The following C9orf85 variants were observed in gnomAD, a reference collection of about 807,000 sequenced individuals.
C9orf85 encodes the protein chromosome 9 open reading frame 85.
In C9orf85, 16 loss-of-function variants were observed where a neutral mutation model predicts 14.9. The observed-to-expected ratio is 1.08, with a 90% CI of 0.73 to 1.63. The LOEUF is 1.63. Ranked by LOEUF, C9orf85 falls within the 40% of genes most tolerant of loss-of-function variation. C9orf85 has a pLI of 0.00. For synonymous variants in C9orf85, 45 were observed against 56.8 expected (o/e 0.79, Z 0.93); for missense variants, 172 against 186.1 (o/e 0.92, Z 0.44).
chr9:71,939,847 T>C lies in C9orf85; in HGVS notation c.103-7159T>C, dbSNP rs1211092020. Among the ~76,000 whole-genome samples the C allele has an allele frequency of 2.6e-5, 4 of 152,190 alleles. No homozygotes were observed. In the East Asian group the frequency reaches 5.8e-4, roughly 22 times the overall value. Reference sequence around the variant, plus strand: ...TGAGAAAGGTACAAAGGCATTTCAATGGTGCTGGAACAATTGTACATCTGT... The same window carrying C: ...TGAGAAAGGTACAAAGGCATTTCAACGGTGCTGGAACAATTGTACATCTGT... On this transcript the variant is annotated intron_variant, in intron 1 of 3. Transcript: ENST00000334731.
At chr9:71,972,634 A>G in intron 3 of C9orf85, 58 bp from the exon 4 acceptor site, 2 of 1,312,356 alleles carry the variant, frequency 1.5e-6, no homozygotes. Flanking sequence ...TTTTCAATCT[A>G]CATGGTTAAA....
intron 2 of C9orf85, among the ~76,000 whole-genome samples, chr9:71,948,818 C>A (rs1016733494): frequency 5.4e-5 from 8 of 147,850 alleles, no homozygotes; most frequent in East Asian, 2.0e-4. Context: ...GCCACGCCCC[C>A]CCCCCCCCCT....
chr9:71,953,902 T>C (rs992032092), intron 2 of C9orf85, among the ~76,000 whole-genome samples: 2 of 151,992 alleles, frequency 1.3e-5, no homozygotes, highest in Non-Finnish European at 2.9e-5. Context: ...AGTTTGAGAC[T>C]AGCCTGGGCA....
At chr9:71,983,617 A>G (rs767954996), downstream of C9orf85, 1 of 152,246 alleles carries the variant, frequency 6.6e-6, no homozygotes, top group Non-Finnish European at 1.5e-5. Context: ...CACATACTGC[A>G]TCATTTACAA....
chr9:71,957,703 G>T (rs1478768631), intron 2 of C9orf85, among the ~76,000 whole-genome samples: 1 of 152,152 alleles, frequency 6.6e-6, no homozygotes, highest in Non-Finnish European at 1.5e-5. Flanking sequence ...TACTTCAACA[G>T]TAGTCCAGGT....
chr9:71,925,577 C>T (rs528729200), intron 1 of C9orf85, among the ~76,000 whole-genome samples: 4 of 152,240 alleles, frequency 2.6e-5, no homozygotes, highest in South Asian at 2.1e-4. Context: ...CTGGAGGAGA[C>T]GGTGGACTCC....
intron 1 of C9orf85, among the ~76,000 whole-genome samples, chr9:71,918,138 G>C (rs541962958): frequency 6.6e-6 from 1 of 152,078 alleles, no homozygotes. Flanking sequence ...AGCTGAGATC[G>C]TGCCACTGCA....
At chr9:71,975,768 G>T (rs1050991610), downstream of C9orf85, among the ~76,000 whole-genome samples, 4 of 152,206 alleles carry the variant, frequency 2.6e-5, no homozygotes, top group Non-Finnish European at 5.9e-5. Context: ...AGAGGCAGAG[G>T]TTGTGGTGAG....
chr9:71,949,019 G>T (rs540683544), intron 2 of C9orf85, among the ~76,000 whole-genome samples: 7 of 152,224 alleles, frequency 4.6e-5, no homozygotes, highest in Admixed American at 4.6e-4. Context: ...TTCTCTGCTA[G>T]AGTAATTAGA....
At chr9:71,956,323 C>A (rs568346835) in intron 2 of C9orf85, among the ~76,000 whole-genome samples, 2 of 146,188 alleles carry the variant, frequency 1.4e-5, no homozygotes, top group African/African-American at 2.5e-5. Context: ...GATCTTGGCT[C>A]GCCACAACCT....
chr9:71,955,624 T>C (rs776719201), intron 2 of C9orf85, among the ~76,000 whole-genome samples: 14 of 152,192 alleles, frequency 9.2e-5, no homozygotes, highest in Non-Finnish European at 1.5e-4. Flanking sequence ...AATAGTAGGT[T>C]ACAGTCAGTT....
chr9:71,938,877 G>T (rs1436356815), intron 1 of C9orf85, among the ~76,000 whole-genome samples: 1 of 151,502 alleles, frequency 6.6e-6, no homozygotes, highest in Non-Finnish European at 1.5e-5. Context: ...TTAACTAAAT[G>T]ATGGTATTAC....
Position 71,957,065 on chromosome 9 carries a change from T to C in C9orf85, c.209+9953T>C, listed in dbSNP as rs981773063. ...TCGAACTCCTGACCTCTGCCAGCCT[T>C]GGCCTCCCAAAGTGCTGGGATTACA... On this transcript the variant is annotated intron_variant, in intron 2 of 3. Transcript: ENST00000334731. 2.6e-5 allele frequency among the ~76,000 whole-genome samples: 4 copies of C among 152,058 alleles called. No individual in the cohort carries two copies. In the East Asian group the frequency reaches 7.7e-4, roughly 29 times the overall value.
At chr9:71,966,829 T>C (rs929916329) in intron 2 of C9orf85, among the ~76,000 whole-genome samples, 3 of 152,218 alleles carry the variant, frequency 2.0e-5, no homozygotes. Context: ...CTGGTAAATG[T>C]TTCTGTCAGA....
chr9:71,940,358 C>T (rs190051359), intron 1 of C9orf85, among the ~76,000 whole-genome samples: 29 of 152,142 alleles, frequency 1.9e-4, no homozygotes, highest in Admixed American at 1.7e-3. Flanking sequence ...CACTTGAGCC[C>T]GGGAATTTAA....
intron 2 of C9orf85, among the ~76,000 whole-genome samples, chr9:71,957,433 C>A (rs928575294): frequency 1.3e-5 from 2 of 152,042 alleles, no homozygotes; most frequent in Admixed American, 6.6e-5. Context: ...TCATATTACT[C>A]AGTGAAAAAC....
chr9:71,967,871 T>G (rs1822741035), intron 2 of C9orf85, among the ~76,000 whole-genome samples: 1 of 152,108 alleles, frequency 6.6e-6, no homozygotes, highest in African/African-American at 2.4e-5. Context: ...TAGCTGTAGT[T>G]TCTTTGTAGT....
chr9:71,928,623 C>T (rs1033567372), intron 1 of C9orf85, among the ~76,000 whole-genome samples: 2 of 152,144 alleles, frequency 1.3e-5, no homozygotes, highest in African/African-American at 4.8e-5. Flanking sequence ...AGACTCTTCA[C>T]ATGAATACTG....
At chr9:71,985,553 A>T (rs1364945940), downstream of C9orf85, 1 of 152,240 alleles carries the variant, frequency 6.6e-6, no homozygotes, top group Non-Finnish European at 1.5e-5. Flanking sequence ...TGATTATTTG[A>T]CAAAAGTTTG....
Sources: allele counts gnomAD v4.1 joint callset (sites outside exome capture counted in the v4.1 genomes callset), GRCh38; gene constraint gnomAD v4.1.1; transcripts MANE v1.5; gene names NCBI Gene and HGNC (gene_info 2026-07-23, HGNC 2026-07-21).